Variants in NOD1 observed in about 807,000 individuals in gnomAD.
The protein encoded by NOD1 is nucleotide binding oligomerization domain containing 1.
In NOD1, 70 loss-of-function variants were observed where a neutral mutation model predicts 81.2. That is an observed-to-expected ratio of 0.86 (90% CI 0.71 to 1.05). NOD1 has a LOEUF of 1.05. Among genes scored for constraint, NOD1 ranks in the 50% least tolerant of loss-of-function variants. NOD1 has a pLI of 0.00. For synonymous variants in NOD1, 508 were observed against 526.9 expected (o/e 0.96, Z 0.49); for missense variants, 1,233 against 1,228.0 (o/e 1.00, Z -0.06).
At chr7:30,464,285 C>T (rs1197349975) in intron 1 of NOD1, among the ~76,000 whole-genome samples, 1 of 152,198 alleles carries the variant, frequency 6.6e-6, no homozygotes, top group Non-Finnish European at 1.5e-5. Flanking sequence ...CTGCCAGCTG[C>T]GAGGCACATG....
At chr7:30,449,749 GC>G (rs542325536) in intron 6 of NOD1, among the ~76,000 whole-genome samples, 3 of 152,212 alleles carry the variant, frequency 2.0e-5, no homozygotes, top group Non-Finnish European at 4.4e-5. Flanking sequence ...AACTGATGCA[GC>G]CAGAGAACTG....
chr7:30,468,235 T>A (rs550779984), intron 1 of NOD1, among the ~76,000 whole-genome samples: 1 of 152,272 alleles, frequency 6.6e-6, no homozygotes, highest in East Asian at 1.9e-4. Flanking sequence ...TGTCTTGTAT[T>A]TCCTCTTTTT....
At chr7:30,449,039 G>A (rs928636133) in intron 6 of NOD1, among the ~76,000 whole-genome samples, 8 of 152,208 alleles carry the variant, frequency 5.3e-5, no homozygotes, top group Non-Finnish European at 1.0e-4. Context: ...CTCTGTCACA[G>A]CTACTCAACT....
intron 1 of NOD1, among the ~76,000 whole-genome samples, chr7:30,466,205 ATCAAACAGT>A (rs1375725716): frequency 6.6e-6 from 1 of 152,230 alleles, no homozygotes; most frequent in African/African-American, 2.4e-5. Context: ...TATTCAGTTC[ATCAAACAGT>A]TCAGGTTCTT....
chr7:30,470,525 C>T (rs1788171955), intron 1 of NOD1, among the ~76,000 whole-genome samples: 2 of 152,252 alleles, frequency 1.3e-5, no homozygotes, highest in South Asian at 4.1e-4. Flanking sequence ...CACAGGCTCA[C>T]TTAGGGAATG....
In NOD1 at chr7:30,452,299, C is replaced by T. The variant is rs147561327; in HGVS notation, c.1118G>A (p.Arg373His). 1.0e-4 allele frequency: 161 copies of T among 1,613,350 alleles called. 1 individual carries two copies. The African/African-American group carries it at 1.6e-3, about 16-fold the overall frequency. The part of the protein sequence containing the change: ...RMFPERALQD[R>H]LLSQLEANPN... ...GTTGGCCTCCAGCTGGCTCAGCAGG[C>T]GGTCCTGCAGGGCCCGCTCGGGGAA... The change falls in exon 6 of 14, where the codon CGC (arginine) becomes CAC (histidine). Residue 373 changes from arginine to histidine, a missense_variant. Coordinates refer to ENST00000222823, the MANE Select transcript of NOD1 (RefSeq NM_006092.4).
intron 10 of NOD1, among the ~76,000 whole-genome samples, chr7:30,437,145 G>A (rs1175628495): frequency 6.6e-6 from 1 of 151,886 alleles, no homozygotes; most frequent in Non-Finnish European, 1.5e-5. Flanking sequence ...AACACTGCAT[G>A]TTCTCACTCG....
intron 11 of NOD1, among the ~76,000 whole-genome samples, chr7:30,434,639 G>T (rs1784236047): frequency 6.6e-6 from 1 of 152,170 alleles, no homozygotes; most frequent in Non-Finnish European, 1.5e-5. Flanking sequence ...AACACAAAGG[G>T]AGGTACTTTC....
chr7:30,425,878 A>C (rs1008457737), intron 13 of NOD1, among the ~76,000 whole-genome samples, 168 bp from the exon 14 acceptor site: 1 of 152,116 alleles, frequency 6.6e-6, no homozygotes, highest in Admixed American at 6.5e-5. Context: ...ATTAGCATGG[A>C]TCCTCTCCAG....
chr7:30,475,367 T>C lies in NOD1; in HGVS notation c.-352+3239A>G, dbSNP rs77496953. ...TTCATGTTTTATTAAAATCTTAATC[T>C]GCCAAAATCTGGCACTAATCTGGTG... On this transcript the variant is annotated intron_variant, in intron 1 of 13. Coordinates refer to ENST00000222823, the MANE Select transcript of NOD1 (RefSeq NM_006092.4). Among the ~76,000 whole-genome samples the C allele has an allele frequency of 1.1e-3, 172 of 152,362 alleles. 1 individual carries two copies. The highest frequency in any genetic ancestry group is 4.0e-3 in the African/African-American group (165 of 41,574).
chr7:30,464,891 T>TTTTTAGA (rs1787523085), intron 1 of NOD1, among the ~76,000 whole-genome samples: 2 of 152,182 alleles, frequency 1.3e-5, no homozygotes, highest in African/African-American at 4.8e-5. Context: ...AATGAGCGAA[T>TTTTTAGA]CATTTACTAA....
chr7:30,437,723 T>C, intron 9 of NOD1, 67 bp from the exon 10 acceptor site: 1 of 1,176,722 alleles, frequency 8.5e-7, no homozygotes, highest in Non-Finnish European at 1.2e-6. Flanking sequence ...CCCTCCTTTT[T>C]TGCCAATGGC....
In NOD1 at chr7:30,475,344, C is replaced by G. The variant is rs569282050; in HGVS notation, c.-352+3262G>C. Reference sequence around the variant, plus strand: ...AACAAATGTAATCAAGGTGAATGTTCATGTTTTATTAAAATCTTAATCTGC... The same window carrying G: ...AACAAATGTAATCAAGGTGAATGTTGATGTTTTATTAAAATCTTAATCTGC... On this transcript the variant is annotated intron_variant, in intron 1 of 13. Coordinates refer to ENST00000222823, the MANE Select transcript of NOD1 (RefSeq NM_006092.4). Among the ~76,000 whole-genome samples the G allele has an allele frequency of 9.8e-5, 15 of 152,290 alleles. No individual in the cohort carries two copies. The South Asian group carries it at 3.1e-3, about 32-fold the overall frequency.
At chr7:30,437,855 GAT>G (rs943580849) in intron 9 of NOD1, among the ~76,000 whole-genome samples, 199 bp from the exon 10 acceptor site, 15 of 152,358 alleles carry the variant, frequency 9.8e-5, no homozygotes, top group Admixed American at 9.1e-4. Flanking sequence ...TTCAAGGGGT[GAT>G]GCAAGATCGA....
In NOD1 at chr7:30,424,681, T is replaced by G. The variant is rs1398527149; in HGVS notation, c.*957A>C. 1 of 152,146 alleles carries G rather than the reference T, an allele frequency of 6.6e-6. No individual in the cohort carries two copies. Among genetic ancestry groups the G allele is most frequent in the Non-Finnish European group, 1.5e-5 (1 of 68,066 alleles). 9.4% of individuals were successfully genotyped at this position (152,146 alleles called of 1,614,324 possible). ...CTGGCCCAGTTCCCAGCCGATCCCC[T>G]GAGTCTTGGCGCCCGTTTAGTCACC... is the stretch of plus-strand genomic sequence containing the variant. On this transcript the variant is annotated 3_prime_UTR_variant, in exon 14 of 14. Coordinates refer to ENST00000222823, the MANE Select transcript of NOD1 (RefSeq NM_006092.4).
Position 30,452,510 on chromosome 7 carries a change from A to C in NOD1, c.907T>G (p.Cys303Gly), listed in dbSNP as rs1785861736. ...AGGGGGTGGGCAGGCTCCCAGGGGC[A>C]GGAGCTGTCAGGCACGCGGCTCAGG... ...LDLSRVPDSS[C>G]PWEPAHPLVL... Residue 303 changes from cysteine (C) to glycine (G), a missense_variant, in exon 6 of 14, where the codon TGC becomes GGC. Transcript: ENST00000222823. The C allele has an allele frequency of 1.2e-6, 2 of 1,613,096 alleles. No individual in the cohort carries two copies. Among genetic ancestry groups the C allele is most frequent in the South Asian group, 1.1e-5 (1 of 91,078 alleles).
chr7:30,458,455 C>T (rs1786638743), intron 3 of NOD1, among the ~76,000 whole-genome samples: 1 of 152,198 alleles, frequency 6.6e-6, no homozygotes, highest in Admixed American at 6.5e-5. Context: ...TCACAAGCCA[C>T]ATCTGTTAAC....
intron 5 of NOD1, 57 bp downstream of exon 5, chr7:30,455,080 A>AC (rs1786199252): frequency 6.4e-7 from 1 of 1,556,744 alleles, no homozygotes; most frequent in Non-Finnish European, 8.8e-7. Context: ...CCATTACCAA[A>AC]CCCCCCAGGG....
rs1554300854 is a variant in NOD1 at position 30,424,633 on chromosome 7, T to TC, written c.*1004_*1005insG. ...AGCAGCCACCACAAGCCCACCATGG[T>TC]GGGGGGTGTCCAACATGCTCTGCTG... is the stretch of plus-strand genomic sequence containing the variant. On this transcript the variant is annotated 3_prime_UTR_variant, in exon 14 of 14. Coordinates refer to ENST00000222823, the MANE Select transcript of NOD1 (RefSeq NM_006092.4). 1 of 152,044 alleles carries TC rather than the reference T, an allele frequency of 6.6e-6. No homozygotes were observed. The highest frequency in any genetic ancestry group is 2.4e-5 in the African/African-American group (1 of 41,346). The allele number at this position is 152,044 out of a possible 1,614,324, so 9.4% of individuals were successfully genotyped here. A position where few individuals can be genotyped will look rare whatever the true frequency, so the allele number is the denominator to read the frequency against.
Sources: allele counts gnomAD v4.1 joint callset (sites outside exome capture counted in the v4.1 genomes callset), GRCh38; gene constraint gnomAD v4.1.1; transcripts MANE v1.5; gene names NCBI Gene and HGNC (gene_info 2026-07-23, HGNC 2026-07-21).